The following HAUS6 variants were observed in gnomAD, a reference collection of about 807,000 sequenced individuals.
HAUS6 encodes HAUS augmin like complex subunit 6.
A neutral mutation model predicts 106.8 loss-of-function variants in HAUS6; 80 were observed. That is an observed-to-expected ratio of 0.75 (90% confidence interval 0.63 to 0.90). The LOEUF is 0.90. Ranked by LOEUF, HAUS6 falls within the 40% of genes least tolerant of loss-of-function variation. HAUS6 has a pLI of 0.00. For synonymous variants in HAUS6, 356 were observed against 379.1 expected, an observed-to-expected ratio of 0.94 and a Z score of 0.71; for missense variants, 1,155 against 1,118.1, an observed-to-expected ratio of 1.03 and a Z score of -0.47.
At chr9:19,082,751 C>CAAA in intron 8 of HAUS6, 122 bp downstream of exon 8, 1 of 506,160 alleles carries the variant, frequency 2.0e-6, no homozygotes. Context: ...AATTCTGTCT[C>CAAA]AAAAAAAAAA....
intron 11 of HAUS6, among the ~76,000 whole-genome samples, chr9:19,071,207 TAGAC>T (rs1836875394): frequency 1.3e-5 from 2 of 152,142 alleles, no homozygotes; most frequent in Non-Finnish European, 2.9e-5. Flanking sequence ...TACTAAATAC[TAGAC>T]AGACAGGTCA....
intron 7 of HAUS6, among the ~76,000 whole-genome samples, chr9:19,083,950 T>C (rs1010732519): frequency 1.3e-5 from 2 of 151,422 alleles, no homozygotes; most frequent in African/African-American, 4.9e-5. Context: ...TTCATTAAAA[T>C]TGATATACAA....
intron 9 of HAUS6, among the ~76,000 whole-genome samples, chr9:19,079,243 T>C (rs985420976): frequency 1.3e-4 from 20 of 151,044 alleles, no homozygotes; most frequent in Admixed American, 1.1e-3. Flanking sequence ...TTTTTTTTTT[T>C]ATTGAGATGG....
At chr9:19,095,370 T>C (rs1236500109) in intron 2 of HAUS6, among the ~76,000 whole-genome samples, 4 of 152,010 alleles carry the variant, frequency 2.6e-5, no homozygotes, top group African/African-American at 7.2e-5. Flanking sequence ...AAACTGAGCA[T>C]GCATAGGAAA....
intron 1 of HAUS6, among the ~76,000 whole-genome samples, chr9:19,100,796 A>G (rs1817970729): frequency 6.6e-6 from 1 of 152,246 alleles, no homozygotes; most frequent in African/African-American, 2.4e-5. Flanking sequence ...AGCAACATGG[A>G]TGGGACTGGA....
chr9:19,084,720 C>A (rs1273433060), intron 7 of HAUS6, among the ~76,000 whole-genome samples: 1 of 151,430 alleles, frequency 6.6e-6, no homozygotes, highest in Non-Finnish European at 1.5e-5. Context: ...GCAACCTCTG[C>A]CTCCCAGGTT....
At chr9:19,097,260 T>C (rs1436559040) in intron 1 of HAUS6, among the ~76,000 whole-genome samples, 2 of 152,036 alleles carry the variant, frequency 1.3e-5, no homozygotes, top group East Asian at 1.9e-4. Context: ...GGGATCTAAT[T>C]AAACTAAACA....
chr9:19,086,492 T>C (rs756457795), intron 7 of HAUS6, among the ~76,000 whole-genome samples: 45 of 151,774 alleles, frequency 3.0e-4, no homozygotes, highest in Admixed American at 1.1e-3. Flanking sequence ...TGGTGGCGCA[T>C]GCTTGTAATC....
chr9:19,090,161 A>C (rs1817713587), intron 4 of HAUS6, among the ~76,000 whole-genome samples: 1 of 152,048 alleles, frequency 6.6e-6, no homozygotes, highest in African/African-American at 2.4e-5. Flanking sequence ...TGAAAGTAAG[A>C]TGACCTTTTT....
intron 1 of HAUS6, among the ~76,000 whole-genome samples, chr9:19,099,729 G>A (rs192529233): frequency 1.1e-4 from 16 of 152,284 alleles, no homozygotes; most frequent in Admixed American, 9.8e-4. Context: ...CTGAGTAGCT[G>A]GATTTACAAA....
intron 8 of HAUS6, among the ~76,000 whole-genome samples, chr9:19,082,217 C>G (rs1341351594): frequency 6.6e-6 from 1 of 152,112 alleles, no homozygotes; most frequent in African/African-American, 2.4e-5. Context: ...AGATAAAACA[C>G]AAACCAGGGG....
At chr9:19,080,104 G>A (rs1837105562) in intron 9 of HAUS6, among the ~76,000 whole-genome samples, 1 of 148,262 alleles carries the variant, frequency 6.7e-6, no homozygotes, top group Admixed American at 6.8e-5. Flanking sequence ...AACTCAGGAG[G>A]CAGGGGTTGT....
At chr9:19,067,485 A>G (rs1836786853) in intron 12 of HAUS6, among the ~76,000 whole-genome samples, 1 of 152,184 alleles carries the variant, frequency 6.6e-6, no homozygotes, top group Non-Finnish European at 1.5e-5. Flanking sequence ...TCCCTTCAGT[A>G]TTTCAAATCT....
chr9:19,074,821 T>G (rs370939890), intron 11 of HAUS6, among the ~76,000 whole-genome samples: 1 of 152,192 alleles, frequency 6.6e-6, no homozygotes, highest in Non-Finnish European at 1.5e-5. Context: ...TCCTTATCTA[T>G]CCTCTATTTA....
At chr9:19,066,270 T>G (rs1480817540) in intron 12 of HAUS6, among the ~76,000 whole-genome samples, 1 of 151,840 alleles carries the variant, frequency 6.6e-6, no homozygotes, top group East Asian at 1.9e-4. Context: ...ATACAAAGCC[T>G]AGATAAGAAC....
At chr9:19,060,305 G>A in intron 14 of HAUS6, 82 bp from the exon 15 acceptor site, 1 of 1,091,322 alleles carries the variant, frequency 9.2e-7, no homozygotes, top group Non-Finnish European at 1.3e-6. Flanking sequence ...AGGATAATAA[G>A]CACTTCACAG....
chr9:19,078,124 A>AC, intron 10 of HAUS6, 52 bp downstream of exon 10: 1 of 1,516,726 alleles, frequency 6.6e-7, no homozygotes, highest in Non-Finnish European at 9.0e-7. Context: ...GTCTCAAAAA[A>AC]AAAAAAAAAG....
At position 19,078,806 on chromosome 9, in the gene HAUS6, A is replaced by AAAAT. The variant is rs1053589147; in HGVS notation, c.1065-508_1065-505dup. Among the ~76,000 whole-genome samples the AAAAT allele has an allele frequency of 4.0e-5, 6 of 149,900 alleles. No homozygotes were observed. In the South Asian group the frequency reaches 8.4e-4, roughly 21 times the overall value. ...GAGTAAAACTCCGTCTCAAAAATAA[A>AAAAT]AAATAAATAAATAAATAAATAATTT... On this transcript the variant is annotated intron_variant, in intron 9 of 16. Coordinates refer to ENST00000380502, the MANE Select transcript of HAUS6 (RefSeq NM_017645.5).
intron 12 of HAUS6, among the ~76,000 whole-genome samples, chr9:19,068,132 G>T (rs181674507): frequency 6.6e-6 from 1 of 152,150 alleles, no homozygotes; most frequent in East Asian, 1.9e-4. Flanking sequence ...CCTCAAGGAA[G>T]ACAAATCGAA....
Sources: allele counts gnomAD v4.1 joint callset (sites outside exome capture counted in the v4.1 genomes callset), GRCh38; gene constraint gnomAD v4.1.1; transcripts MANE v1.5; gene names NCBI Gene and HGNC (gene_info 2026-07-23, HGNC 2026-07-21).